LRRC27: variants seen among roughly 807,000 people sequenced by gnomAD.
LRRC27 encodes the protein leucine-rich repeat-containing protein 27.
A neutral mutation model predicts 55.0 loss-of-function variants in LRRC27; 57 were observed. That is an observed-to-expected ratio of 1.04 (90% confidence interval 0.84 to 1.29). The LOEUF (loss-of-function observed/expected upper bound fraction) is 1.29. Ranked by LOEUF, LRRC27 falls within the 50% of genes most tolerant of loss-of-function variation. The pLI is 0.00. For synonymous variants in LRRC27, 278 were observed against 251.9 expected (o/e 1.10, Z -0.98); for missense variants, 721 against 651.5 (o/e 1.11, Z -1.16).
At position 132,375,141 on chromosome 10, in the gene LRRC27, C is replaced by G. The variant is rs892742079; in HGVS notation, c.1492C>G (p.Leu498Val). 6.2e-7 allele frequency: 1 copy of G among 1,614,154 alleles called. No individual in the cohort carries two copies. Among genetic ancestry groups the G allele is most frequent in the Non-Finnish European group, 8.5e-7 (1 of 1,180,016 alleles). Residue 498 changes from leucine (L) to valine (V), a missense_variant, in exon 11 of 11, where the codon CTC becomes GTC. Transcript: ENST00000368614. Reference sequence around the variant, plus strand: ...GAACAAAGATCGTCGACGGGCGGCCCTCACTGGAAACCTTTCGCTTGGCCT... The same window carrying G: ...GAACAAAGATCGTCGACGGGCGGCCGTCACTGGAAACCTTTCGCTTGGCCT... ...TLNKDRRRAA[L>V]TGNLSLGLPA... is the part of the protein sequence containing the mutation.
At chr10:132,368,624 T>G (rs2069149453) in intron 10 of LRRC27, among the ~76,000 whole-genome samples, 2 of 152,190 alleles carry the variant, frequency 1.3e-5, no homozygotes, top group African/African-American at 4.8e-5. Flanking sequence ...AATCTAGACA[T>G]AGACCTCACA....
chr10:132,355,955 C>G (rs528528099), intron 8 of LRRC27, 69 bp downstream of exon 8: 7 of 1,095,048 alleles, frequency 6.4e-6, no homozygotes, highest in African/African-American at 6.3e-5. Flanking sequence ...TCACAGGCAT[C>G]CCTGTCCATG....
chr10:132,349,484 C>T (rs749906188), intron 6 of LRRC27, among the ~76,000 whole-genome samples: 12 of 152,296 alleles, frequency 7.9e-5, no homozygotes, highest in East Asian at 1.9e-4. Flanking sequence ...AGGCCTCGGA[C>T]GCTCCAGCAC....
chr10:132,358,369 G>A (rs1402945009), intron 8 of LRRC27, among the ~76,000 whole-genome samples: 3 of 97,210 alleles, frequency 3.1e-5, no homozygotes, highest in Non-Finnish European at 2.1e-5. Flanking sequence ...GCAGCGTGGG[G>A]AGGAGCCGAG....
chr10:132,340,600 C>T lies in LRRC27; in HGVS notation c.342-1613C>T, dbSNP rs115651667. ...AGTAAACCAAAAACAGTGAACTGAA[C>T]GAACCACATTGAAATAATCCACTTT... On this transcript the variant is annotated intron_variant, in intron 3 of 10. Transcript: ENST00000368614. Among the ~76,000 whole-genome samples the T allele has an allele frequency of 4.8e-3, 731 of 152,228 alleles. 8 individuals are homozygous for T. Among genetic ancestry groups the T allele is most frequent in the African/African-American group, 0.017 (697 of 41,526 alleles).
rs114079789 is a variant in LRRC27 at position 132,364,268 on chromosome 10, T to C, written c.1290-1156T>C. On this transcript the variant is annotated intron_variant, in intron 9 of 10. Coordinates refer to ENST00000368614, the MANE Select transcript of LRRC27 (RefSeq NM_030626.3). Reference sequence around the variant, plus strand: ...TTCGGAGAGGCTGAGTGAGACTGTGTGCCATTGTATTCACAGTGGCGCATG... The same window carrying C: ...TTCGGAGAGGCTGAGTGAGACTGTGCGCCATTGTATTCACAGTGGCGCATG... 4.1e-3 allele frequency among the ~76,000 whole-genome samples: 607 copies of C among 147,842 alleles called. 4 individuals are homozygous for C. The highest frequency in any genetic ancestry group is 0.014 in the African/African-American group (580 of 40,318).
At chr10:132,355,726 G>A in intron 7 of LRRC27, 64 bp from the exon 8 acceptor site, 4 of 1,234,412 alleles carry the variant, frequency 3.2e-6, no homozygotes, top group Non-Finnish European at 4.6e-6. Flanking sequence ...GAATGACAGA[G>A]GAATCCTGTA....
intron 3 of LRRC27, among the ~76,000 whole-genome samples, chr10:132,339,721 C>T (rs1328673493): frequency 6.6e-6 from 1 of 152,234 alleles, no homozygotes; most frequent in African/African-American, 2.4e-5. Flanking sequence ...ACTGGGTGCT[C>T]TTTTGTCCAC....
At position 132,380,675 on chromosome 10, in the gene LRRC27, C is replaced by T. The variant is rs1263326567; in HGVS notation, c.*5433C>T. Among the ~76,000 whole-genome samples the T allele has an allele frequency of 2.0e-5, 3 of 152,100 alleles. No individual in the cohort carries two copies. Among genetic ancestry groups the T allele is most frequent in the Admixed American group, 6.5e-5 (1 of 15,268 alleles). ...CCCCAACTTGAAAAAAAGGGGACAT[C>T]GGGATGTTCTTGTGTATTTTTCATG... On this transcript the variant is annotated 3_prime_UTR_variant, in exon 11 of 11. Coordinates refer to ENST00000368614, the MANE Select transcript of LRRC27 (RefSeq NM_030626.3).
Position 132,354,885 on chromosome 10 carries a change from G to A in LRRC27, c.1074-905G>A, listed in dbSNP as rs1186641298. Among the ~76,000 whole-genome samples, 6 of 152,168 alleles carry A rather than the reference G, an allele frequency of 3.9e-5. No individual in the cohort carries two copies. In the East Asian group the frequency reaches 7.7e-4, roughly 20 times the overall value. The stretch of plus-strand genomic sequence containing the variant: ...CTGCAGGCTGGAGAGCTGGCCTTCC[G>A]GGGGTGGAGCCCTGGGCCTGAGCAA... On this transcript the variant is annotated intron_variant, in intron 7 of 10. Coordinates refer to ENST00000368614, the MANE Select transcript of LRRC27 (RefSeq NM_030626.3).
rs1374315883 is a variant in LRRC27 at position 132,333,728 on chromosome 10, C to G, written c.204C>G (p.Ser68Arg). 7 of 1,612,178 alleles carry G rather than the reference C, an allele frequency of 4.3e-6. No homozygotes were observed. Among genetic ancestry groups the G allele is most frequent in the Admixed American group, 1.7e-5 (1 of 59,990 alleles). ...CRLEEVFRIP[S>R]LQQLHLQRNA... ...TGGAGGAGGTCTTTAGAATCCCCAG[C>G]CTTCAAGTAAGTGGGGCTGCTCCTC... The change falls in exon 2 of 11, where the codon AGC (serine) becomes AGG (arginine). Residue 68 changes from serine (S) to arginine (R), a missense_variant. By Grantham distance (110) the Ser-to-Arg change is moderately radical. Transcript: ENST00000368614.
In LRRC27 at chr10:132,355,890, C is replaced by T. The variant is rs201405281; in HGVS notation, c.1170+4C>T. 3,312 of 1,548,316 alleles carry T rather than the reference C, an allele frequency of 2.1e-3. 11 individuals carry two copies. The highest frequency in any genetic ancestry group is 3.1e-3 in the South Asian group (261 of 84,038). The stretch of plus-strand genomic sequence containing the variant: ...CCTGCCTCCGCGGAGGAGCATGGTA[C>T]GGCACGCGCGGGCGGTGACCGGGCA... On this transcript the variant is annotated splice_donor_region_variant and intron_variant, in intron 8 of 10. Transcript: ENST00000368614.
Position 132,375,053 on chromosome 10 carries a change from T to C in LRRC27, c.1417-13T>C. The C allele has an allele frequency of 6.2e-7, 1 of 1,600,122 alleles. No homozygotes were observed. The highest frequency in any genetic ancestry group is 8.5e-7 in the Non-Finnish European group (1 of 1,170,576). On this transcript the variant is annotated splice_polypyrimidine_tract_variant and intron_variant, in intron 10 of 10. Transcript: ENST00000368614. The stretch of plus-strand genomic sequence containing the variant: ...AGCCTTTCTAACATCTCCCCCTCCT[T>C]GTCTCCCATAAGGCCACAGAGCTAC...
intron 10 of LRRC27, among the ~76,000 whole-genome samples, chr10:132,371,169 G>A (rs1263679094): frequency 6.6e-6 from 1 of 152,268 alleles, no homozygotes; most frequent in Non-Finnish European, 1.5e-5. Context: ...CATCTGCGCA[G>A]TGCCGCGCAT....
intron 10 of LRRC27, among the ~76,000 whole-genome samples, chr10:132,371,421 A>G (rs1028729352): frequency 1.1e-4 from 17 of 152,346 alleles, no homozygotes; most frequent in African/African-American, 3.1e-4. Context: ...ACCAGCCAAC[A>G]GACGTGGCCC....
In LRRC27 at chr10:132,348,824, G is replaced by C. The variant is rs2067854985; in HGVS notation, c.926+468G>C. On this transcript the variant is annotated intron_variant, in intron 6 of 10. Transcript: ENST00000368614. This position sits in a 1 kb window ranked among gnomAD's most constrained non-coding sequence, Gnocchi z 4.2. ...TGAAAAGAGAGGAGTTGGGGGAAAG[G>C]TCAGTTATGCAGAAAATAAATGGCA... 1.6e-6 allele frequency: 1 copy of C among 628,434 alleles called. No homozygotes were observed. The highest frequency in any genetic ancestry group is 2.8e-6 in the Non-Finnish European group (1 of 353,500). The allele number at this position is 628,434 out of a possible 1,614,324, so 38.9% of individuals were successfully genotyped here.
In LRRC27 at chr10:132,364,486, C is replaced by A. The variant is rs1309617788; in HGVS notation, c.1290-938C>A. On this transcript the variant is annotated intron_variant, in intron 9 of 10. Transcript: ENST00000368614. ...CCACCCACACTTACACCCACCCACACTTACACCCACCCTTACATCTACCTC... is the reference window on the plus strand; with the variant it reads ...CCACCCACACTTACACCCACCCACAATTACACCCACCCTTACATCTACCTC... Among the ~76,000 whole-genome samples, 27 of 141,556 alleles carry A rather than the reference C, an allele frequency of 1.9e-4. 5 individuals are homozygous for A. The highest frequency in any genetic ancestry group is 5.1e-4 in the African/African-American group (18 of 35,314). 92.9% of individuals were successfully genotyped at this position (141,556 alleles called of 152,430 possible).
chr10:132,363,529 G>A (rs2068747646), intron 9 of LRRC27, among the ~76,000 whole-genome samples: 1 of 152,178 alleles, frequency 6.6e-6, no homozygotes, highest in South Asian at 2.1e-4. Context: ...AGGCGTCCTG[G>A]GAAGCCAAGG....
At chr10:132,331,740 G>A (rs1237530975), upstream of LRRC27, 2 of 1,611,946 alleles carry the variant, frequency 1.2e-6, no homozygotes, top group African/African-American at 1.3e-5. Context: ...TTAGCATCCC[G>A]CTCTCTTCCT....
Sources: gnomAD v4.1 joint callset for allele counts (sites outside exome capture counted in the v4.1 genomes callset) on GRCh38, gnomAD v4.1.1 for gene constraint, Gnocchi (gnomAD v3.1) non-coding constraint, MANE v1.5 for transcripts, NCBI Gene and HGNC (gene_info 2026-07-23, HGNC 2026-07-21) for gene names.